TENM1: variants seen among roughly 807,000 people sequenced by gnomAD.
TENM1 encodes the protein teneurin-1.
TENM1 carries 35 observed loss-of-function variants against 174.8 expected under a neutral mutation model. That is an observed-to-expected ratio of 0.20 (90% CI 0.15 to 0.27). The LOEUF is 0.27. Among genes scored for constraint, TENM1 ranks in the 10% least tolerant of loss-of-function variants. TENM1 has a pLI of 1.00. For synonymous variants in TENM1, 781 were observed against 798.7 expected (o/e 0.98, Z 0.37); for missense variants, 1,633 against 2,130.1 (o/e 0.77, Z 4.59).
intron 3 of TENM1, among the ~76,000 whole-genome samples, chrX:124,851,842 C>T (rs2056724652): frequency 1.8e-5 from 2 of 111,333 alleles, no homozygotes; most frequent in Non-Finnish European, 3.8e-5. Context: ...GGGCTGGGAG[C>T]TCACAGTTCA....
chrX:124,832,906 G>T (rs991908200), intron 3 of TENM1, among the ~76,000 whole-genome samples: 1 of 112,304 alleles, frequency 8.9e-6, no homozygotes, highest in Non-Finnish European at 1.9e-5. Context: ...CTAGCAAATA[G>T]TAAGTATGCA....
chrX:124,523,882 T>TC (rs1296189556), intron 16 of TENM1, among the ~76,000 whole-genome samples: 1 of 106,008 alleles, frequency 9.4e-6, no homozygotes, highest in Non-Finnish European at 2.0e-5. Flanking sequence ...AATTTTTTTT[T>TC]TTTTTTTTTG....
chrX:124,711,168 A>G (rs12013700), intron 4 of TENM1, among the ~76,000 whole-genome samples: 11,478 of 111,200 alleles, frequency 0.1, 542 homozygotes, highest in African/African-American at 0.18. Flanking sequence ...GAAAGGCAAG[A>G]TATTACCAAA....
intron 1 of TENM1, among the ~76,000 whole-genome samples, chrX:124,925,838 T>C (rs1378909794): frequency 9.0e-6 from 1 of 111,703 alleles, no homozygotes; most frequent in Non-Finnish European, 1.9e-5. Context: ...ATGAAGTGGC[T>C]CAGCTATGAC....
chrX:125,133,097 C>G, the TENM1 span, among the ~76,000 whole-genome samples: 1 of 110,945 alleles, frequency 9.0e-6, no homozygotes, highest in Non-Finnish European at 1.9e-5. Context: ...GGGTTCACAC[C>G]ATTCTCCTGC....
intron 3 of TENM1, among the ~76,000 whole-genome samples, chrX:124,816,779 T>C (rs765223139): frequency 3.6e-5 from 4 of 111,679 alleles, no homozygotes; most frequent in Non-Finnish European, 7.5e-5. Flanking sequence ...TAATTAATCA[T>C]TTGTATACAT....
chrX:125,109,176 C>T, the TENM1 span, among the ~76,000 whole-genome samples: 63 of 107,552 alleles, frequency 5.9e-4, no homozygotes, highest in African/African-American at 2.3e-3. Flanking sequence ...GTCTACATGA[C>T]GCACACACTT....
At position 124,502,570 on chromosome X, in the gene TENM1, C is replaced by T. The variant is rs1489269574; in HGVS notation, c.3445+990G>A. ...TAATAATTTAATAAGTGGCATCTGC[C>T]CTTTCATTTTTGTACTTTTAAAACT... is the stretch of plus-strand genomic sequence containing the variant. On this transcript the variant is annotated intron_variant, in intron 19 of 31. Coordinates refer to ENST00000422452, the Ensembl canonical transcript of TENM1. Among the ~76,000 whole-genome samples, 39 of 107,829 alleles carry T rather than the reference C, an allele frequency of 3.6e-4. No individual in the cohort carries two copies. In the Admixed American group the frequency reaches 3.8e-3, roughly 11 times the overall value. 93.6% of individuals were successfully genotyped at this position (107,829 alleles called of 115,157 possible). A position where few individuals can be genotyped will look rare whatever the true frequency, so the allele number is the denominator to read the frequency against.
chrX:124,794,331 A>C (rs1229081217), intron 3 of TENM1, among the ~76,000 whole-genome samples: 1 of 111,622 alleles, frequency 9.0e-6, no homozygotes, highest in Non-Finnish European at 1.9e-5. Flanking sequence ...ACAAGTATTT[A>C]ACATACCTAA....
chrX:124,957,192 T>C (rs1253340818), intron 1 of TENM1, among the ~76,000 whole-genome samples: 1 of 100,798 alleles, frequency 9.9e-6, no homozygotes, highest in African/African-American at 4.7e-5. Context: ...AATGGACGGA[T>C]GGATAGATGG....
chrX:124,728,352 G>A (rs1569415444), intron 4 of TENM1, among the ~76,000 whole-genome samples: 1 of 111,670 alleles, frequency 9.0e-6, no homozygotes, highest in Non-Finnish European at 1.9e-5. Flanking sequence ...GAACATGCTT[G>A]CTCACAGAGT....
chrX:124,952,454 A>G (rs968965807), intron 1 of TENM1, among the ~76,000 whole-genome samples: 2 of 110,337 alleles, frequency 1.8e-5, no homozygotes, highest in African/African-American at 6.6e-5. Flanking sequence ...ATTTCTTGTG[A>G]CCATCTCATT....
At chrX:124,847,815 T>C (rs974500173) in intron 3 of TENM1, among the ~76,000 whole-genome samples, 3 of 111,516 alleles carry the variant, frequency 2.7e-5, no homozygotes, top group Admixed American at 1.9e-4. Flanking sequence ...AATCAGCAAA[T>C]TGAAGAATCT....
chrX:124,790,671 G>A (rs1428347853), intron 3 of TENM1, among the ~76,000 whole-genome samples: 3 of 111,859 alleles, frequency 2.7e-5, no homozygotes, highest in Non-Finnish European at 5.6e-5. Context: ...TTAAATCCAA[G>A]TTAACTTGGA....
Position 124,381,273 on chromosome X carries a change from C to A in TENM1, c.7462G>T (p.Glu2488Ter). 1 of 1,199,166 alleles carries A rather than the reference C, an allele frequency of 8.3e-7. No homozygotes were observed. Among genetic ancestry groups the A allele is most frequent in the South Asian group, 1.8e-5 (1 of 56,629 alleles). The change falls in exon 32 of 32, where the codon GAA (glutamate) becomes TAA (stop). Residue 2488 changes from glutamate to a stop codon, truncating the protein, a stop_gained. Coordinates refer to ENST00000422452, the Ensembl canonical transcript of TENM1. LOFTEE classifies it high-confidence loss of function. ...AAATTCCTGAGCTGTTTCTGGAGTTCACACTGAATGCCCAGGATAGTCTAG... is the reference window on the plus strand; with the variant it reads ...AAATTCCTGAGCTGTTTCTGGAGTTAACACTGAATGCCCAGGATAGTCTAG...
intron 11 of TENM1, among the ~76,000 whole-genome samples, chrX:124,590,463 G>C (rs1262132985): frequency 9.1e-6 from 1 of 110,278 alleles, no homozygotes; most frequent in East Asian, 2.8e-4. Context: ...ACAAACCACT[G>C]CTCAAGGAAA....
At chrX:124,803,965 A>T (rs1320085576) in intron 3 of TENM1, among the ~76,000 whole-genome samples, 2 of 112,102 alleles carry the variant, frequency 1.8e-5, no homozygotes, top group East Asian at 5.6e-4. Flanking sequence ...AAGCACTAAG[A>T]TGTATACATG....
At chrX:125,060,181 TCA>T in the TENM1 span, among the ~76,000 whole-genome samples, 388 of 93,633 alleles carry the variant, frequency 4.1e-3, 2 homozygotes, top group South Asian at 0.024. Context: ...TCTCTCTCTC[TCA>T]CACACACACA....
chrX:124,891,849 T>C (rs1021819933), intron 3 of TENM1, among the ~76,000 whole-genome samples: 6 of 111,242 alleles, frequency 5.4e-5, no homozygotes, highest in African/African-American at 1.6e-4. Context: ...ACAAAAAATA[T>C]ATTTTACCCT....
Sources: allele counts gnomAD v4.1 joint callset (sites outside exome capture counted in the v4.1 genomes callset), GRCh38; gene constraint gnomAD v4.1.1; transcripts MANE v1.5; gene names NCBI Gene and HGNC (gene_info 2026-07-23, HGNC 2026-07-21).